Variants in MEMO1 observed in about 807,000 individuals in gnomAD.
MEMO1 encodes protein MEMO1.
In MEMO1, 6 loss-of-function variants were observed where a neutral mutation model predicts 45.2. The observed-to-expected ratio is 0.13, with a 90% CI of 0.07 to 0.26. The LOEUF (loss-of-function observed/expected upper bound fraction) is 0.26. Among genes scored for constraint, MEMO1 ranks in the 10% least tolerant of loss-of-function variants. MEMO1 has a pLI of 1.00. For synonymous variants in MEMO1, 78 were observed against 124.3 expected (o/e 0.63, Z 2.48); for missense variants, 184 against 370.5 (o/e 0.50, Z 4.13).
chr2:31,916,216 C>A (rs561302061), intron 6 of MEMO1, among the ~76,000 whole-genome samples: 1 of 151,910 alleles, frequency 6.6e-6, no homozygotes, highest in African/African-American at 2.4e-5. Flanking sequence ...GTTTATTGGT[C>A]TTATTGTTTT....
chr2:31,988,688 G>A (rs907487701), intron 2 of MEMO1, among the ~76,000 whole-genome samples: 2 of 152,196 alleles, frequency 1.3e-5, no homozygotes, highest in Admixed American at 6.5e-5. Context: ...TTTCACTTAA[G>A]AATGTCCTTG....
At chr2:31,886,592 T>C (rs1433904385) in intron 7 of MEMO1, among the ~76,000 whole-genome samples, 3 of 152,170 alleles carry the variant, frequency 2.0e-5, no homozygotes, top group Non-Finnish European at 4.4e-5. Flanking sequence ...AAATGTATTA[T>C]TGACTTAAAA....
Position 32,010,188 on chromosome 2 carries a change from T to G in MEMO1, c.60A>C (p.Ser20=). Residue 20 remains serine (S), a splice_region_variant and synonymous_variant, in exon 2 of 10, where the codon TCA becomes TCC. Coordinates refer to ENST00000404530, the MANE Select transcript of MEMO1 (RefSeq NM_001301833.4). ...ASHAGSWYTA[S]GPQLNAQLEG... ...CGGGCCGGCGGCCTGGGGCCCTACC[T>G]GAGGCTGTGTACCAGCTCCCGGCGT... 1 of 1,466,824 alleles carries G rather than the reference T, an allele frequency of 6.8e-7. No homozygotes were observed. The highest frequency in any genetic ancestry group is 9.1e-7 in the Non-Finnish European group (1 of 1,098,908). The allele number at this position is 1,466,824 out of a possible 1,614,324, so 90.9% of individuals were successfully genotyped here.
At chr2:31,924,090 TCC>T (rs3835885) in intron 4 of MEMO1, among the ~76,000 whole-genome samples, 18,346 of 151,826 alleles carry the variant, frequency 0.12, 1,192 homozygotes, top group Middle Eastern at 0.19. Flanking sequence ...AAGGTTTAAG[TCC>T]CCTCAATATA....
rs2147853958 is a variant in MEMO1 at position 31,867,884 on chromosome 2, G to T, written c.*477C>A. 6.6e-6 allele frequency: 1 copy of T among 152,524 alleles called. No individual in the cohort carries two copies. Among genetic ancestry groups the T allele is most frequent in the South Asian group, 2.1e-4 (1 of 4,816 alleles). 9.4% of individuals were successfully genotyped at this position (152,524 alleles called of 1,614,324 possible). On this transcript the variant is annotated 3_prime_UTR_variant, in exon 10 of 10. Coordinates refer to ENST00000404530, the MANE Select transcript of MEMO1 (RefSeq NM_001301833.4). ...AGAAGGTATCTGTTGTACAACATGG[G>T]TAGTAATTGACTATAACTGGAGATT...
At chr2:31,874,875 A>G (rs558753455) in intron 8 of MEMO1, among the ~76,000 whole-genome samples, 4 of 152,002 alleles carry the variant, frequency 2.6e-5, no homozygotes, top group Admixed American at 2.6e-4. Context: ...TGATTAATCA[A>G]TTAAGACAAT....
intron 2 of MEMO1, among the ~76,000 whole-genome samples, chr2:31,966,609 A>T (rs763954868): frequency 5.9e-5 from 9 of 151,924 alleles, no homozygotes; most frequent in Non-Finnish European, 8.8e-5. Flanking sequence ...CACGACCTGT[A>T]GTCCCAGCTA....
intron 8 of MEMO1, among the ~76,000 whole-genome samples, chr2:31,872,384 A>G (rs1340065829): frequency 2.0e-5 from 3 of 152,232 alleles, no homozygotes; most frequent in Non-Finnish European, 4.4e-5. Flanking sequence ...AATGAAGTCT[A>G]TCTAGGACAG....
chr2:31,963,121 AC>A (rs1668217363), intron 2 of MEMO1: 2 of 1,481,182 alleles, frequency 1.4e-6, no homozygotes, highest in Non-Finnish European at 1.8e-6. Context: ...CTCTAACTAC[AC>A]CATTAGCTCT....
chr2:31,983,968 G>C (rs372849190), intron 2 of MEMO1, among the ~76,000 whole-genome samples: 3 of 152,152 alleles, frequency 2.0e-5, no homozygotes, highest in African/African-American at 7.2e-5. Context: ...AAATAGTGTG[G>C]GATTGGATTA....
intron 6 of MEMO1, among the ~76,000 whole-genome samples, chr2:31,893,788 A>C (rs1283200282): frequency 6.6e-6 from 1 of 151,660 alleles, no homozygotes; most frequent in East Asian, 1.9e-4. Flanking sequence ...TGAATAAACA[A>C]CACATGTCTA....
intron 7 of MEMO1, 23 bp downstream of exon 7, chr2:31,891,969 A>G (rs956713496): frequency 1.2e-6 from 2 of 1,602,096 alleles, no homozygotes; most frequent in Admixed American, 1.7e-5. Context: ...ATCTACCATG[A>G]TATGTTAAAA....
At chr2:31,894,232 G>A (rs1677383944) in intron 6 of MEMO1, among the ~76,000 whole-genome samples, 1 of 152,102 alleles carries the variant, frequency 6.6e-6, no homozygotes, top group South Asian at 2.1e-4. Context: ...GAACTTCTTG[G>A]TAACAACAAT....
At chr2:31,979,040 C>T (rs1481803504) in intron 2 of MEMO1, among the ~76,000 whole-genome samples, 4 of 151,970 alleles carry the variant, frequency 2.6e-5, no homozygotes, top group African/African-American at 9.7e-5. Flanking sequence ...ATAAAGAAAA[C>T]AGGTTTAATT....
At chr2:31,916,895 A>G (rs964970489) in intron 6 of MEMO1, among the ~76,000 whole-genome samples, 1 of 152,214 alleles carries the variant, frequency 6.6e-6, no homozygotes, top group Non-Finnish European at 1.5e-5. Context: ...GAACTAAACA[A>G]GAAAAACTAA....
At chr2:32,006,790 C>A (rs982339600) in intron 2 of MEMO1, among the ~76,000 whole-genome samples, 2 of 151,832 alleles carry the variant, frequency 1.3e-5, no homozygotes, top group Admixed American at 6.6e-5. Flanking sequence ...TATGGTGAAA[C>A]CCCATCTCTA....
At chr2:31,877,356 C>T (rs1330489876) in intron 8 of MEMO1, among the ~76,000 whole-genome samples, 1 of 152,152 alleles carries the variant, frequency 6.6e-6, no homozygotes, top group African/African-American at 2.4e-5. Context: ...TTTTGGCTGT[C>T]ACAATAATTT....
At chr2:31,993,279 T>A (rs982505668) in intron 2 of MEMO1, among the ~76,000 whole-genome samples, 2 of 152,334 alleles carry the variant, frequency 1.3e-5, no homozygotes, top group Admixed American at 1.3e-4. Flanking sequence ...CATGAGGAAG[T>A]AACAGGTCCA....
intron 2 of MEMO1, among the ~76,000 whole-genome samples, chr2:31,948,927 A>C (rs998153531): frequency 6.6e-6 from 1 of 152,220 alleles, no homozygotes; most frequent in African/African-American, 2.4e-5. Flanking sequence ...AAAAACCCTA[A>C]TAATTGTATC....
Sources: allele counts gnomAD v4.1 joint callset (sites outside exome capture counted in the v4.1 genomes callset), GRCh38; gene constraint gnomAD v4.1.1; transcripts MANE v1.5; gene names NCBI Gene and HGNC (gene_info 2026-07-23, HGNC 2026-07-21).